The following FUT9 variants were observed in gnomAD, a reference collection of about 807,000 sequenced individuals.
FUT9 encodes the protein 4-galactosyl-N-acetylglucosaminide 3-alpha-L-fucosyltransferase 9.
FUT9 carries 15 observed loss-of-function variants against 29.7 expected under a neutral mutation model. That is an observed-to-expected ratio of 0.51 (90% CI 0.34 to 0.78). FUT9 has a LOEUF of 0.78. Ranked by LOEUF, FUT9 falls within the 30% of genes least tolerant of loss-of-function variation. FUT9 has a pLI of 0.01. For synonymous variants in FUT9, 169 were observed against 153.7 expected, an observed-to-expected ratio of 1.10 and a Z score of -0.74; for missense variants, 319 against 425.4, an observed-to-expected ratio of 0.75 and a Z score of 2.20.
chr6:96,137,589 A>G (rs1258314831), intron 2 of FUT9, among the ~76,000 whole-genome samples: 1 of 152,102 alleles, frequency 6.6e-6, no homozygotes, highest in Non-Finnish European at 1.5e-5. Context: ...AACACTTAAC[A>G]TCAAGAGTGG....
intron 2 of FUT9, among the ~76,000 whole-genome samples, chr6:96,193,625 C>T (rs559453392): frequency 1.3e-5 from 2 of 152,032 alleles, no homozygotes; most frequent in South Asian, 2.1e-4. Flanking sequence ...CTAGTTCAAC[C>T]GTTGTGGAAG....
At chr6:96,073,733 G>C (rs1771100785) in intron 1 of FUT9, among the ~76,000 whole-genome samples, 1 of 152,064 alleles carries the variant, frequency 6.6e-6, no homozygotes, top group African/African-American at 2.4e-5. Context: ...TGCTAATGAG[G>C]GGCCCAAGAT....
chr6:96,215,154 T>C lies in FUT9; in HGVS notation c.*10919T>C, dbSNP rs1473004137. ...TAACACTTTAAGGCAGCTAAGCAAATATTTTAATAAGCCATGAAAGGCAAG... is the reference window on the plus strand; with the variant it reads ...TAACACTTTAAGGCAGCTAAGCAAACATTTTAATAAGCCATGAAAGGCAAG... On this transcript the variant is annotated 3_prime_UTR_variant, in exon 3 of 3. Coordinates refer to ENST00000302103, the MANE Select transcript of FUT9 (RefSeq NM_006581.4). The C allele has an allele frequency of 1.2e-5, 2 of 166,996 alleles. No homozygotes were observed. The highest frequency in any genetic ancestry group is 2.9e-5 in the Non-Finnish European group (2 of 68,084). The allele number at this position is 166,996 out of a possible 1,614,324, so 10.3% of individuals were successfully genotyped here.
intron 1 of FUT9, among the ~76,000 whole-genome samples, chr6:96,024,874 T>G (rs1770136068): frequency 6.6e-6 from 1 of 151,066 alleles, no homozygotes; most frequent in Admixed American, 6.6e-5. Context: ...TCCACAGGAG[T>G]TTTTCTGTCT....
At chr6:96,056,660 G>A (rs937574132) in intron 1 of FUT9, among the ~76,000 whole-genome samples, 1 of 152,002 alleles carries the variant, frequency 6.6e-6, no homozygotes, top group African/African-American at 2.4e-5. Context: ...TGAAGCAGGA[G>A]GATCGCTTGA....
intron 2 of FUT9, among the ~76,000 whole-genome samples, chr6:96,167,539 G>C (rs1773036217): frequency 6.6e-6 from 1 of 152,128 alleles, no homozygotes; most frequent in African/African-American, 2.4e-5. Flanking sequence ...CACTTACTGT[G>C]TGCCAGAAAA....
At chr6:96,132,682 G>T (rs1342404063) in intron 2 of FUT9, among the ~76,000 whole-genome samples, 1 of 151,992 alleles carries the variant, frequency 6.6e-6, no homozygotes, top group Non-Finnish European at 1.5e-5. Flanking sequence ...TGTTTTTGGT[G>T]ATTTAGACAC....
chr6:96,196,130 G>T lies in FUT9; in HGVS notation c.-8-7018G>T, dbSNP rs1012666772. On this transcript the variant is annotated intron_variant, in intron 2 of 2. Coordinates refer to ENST00000302103, the MANE Select transcript of FUT9 (RefSeq NM_006581.4). Reference sequence around the variant, plus strand: ...AGACGGGGAAGCGATTGCCAGTGTGGGAATAGAGAGGTGGTGATCTCTTTC... The same window carrying T: ...AGACGGGGAAGCGATTGCCAGTGTGTGAATAGAGAGGTGGTGATCTCTTTC... 2.0e-5 allele frequency among the ~76,000 whole-genome samples: 3 copies of T among 152,100 alleles called. No homozygotes were observed. In the East Asian group the frequency reaches 5.8e-4, roughly 29 times the overall value.
intron 2 of FUT9, among the ~76,000 whole-genome samples, chr6:96,146,874 A>C (rs772671533): frequency 1.4e-4 from 22 of 152,228 alleles, no homozygotes; most frequent in Non-Finnish European, 3.1e-4. Context: ...CAATTGTACA[A>C]CACCAAATTT....
At chr6:96,053,027 A>G (rs1308225938) in intron 1 of FUT9, among the ~76,000 whole-genome samples, 1 of 152,066 alleles carries the variant, frequency 6.6e-6, no homozygotes, top group Non-Finnish European at 1.5e-5. Flanking sequence ...TCATCACTGA[A>G]AATATACCAA....
Position 96,207,457 on chromosome 6 carries a change from A to C in FUT9, c.*3222A>C, listed in dbSNP as rs901240504. The C allele has an allele frequency of 6.0e-6, 1 of 167,076 alleles. No homozygotes were observed. Among genetic ancestry groups the C allele is most frequent in the Admixed American group, 6.5e-5 (1 of 15,282 alleles). The allele number at this position is 167,076 out of a possible 1,614,324, so 10.3% of individuals were successfully genotyped here. ...ACTTTTGAAGGTATACAATAAATAA[A>C]ACATCAAACTTGTTAGCATTCGTTC... On this transcript the variant is annotated 3_prime_UTR_variant, in exon 3 of 3. Transcript: ENST00000302103.
At chr6:96,039,467 C>T (rs1409530605) in intron 1 of FUT9, among the ~76,000 whole-genome samples, 1 of 152,134 alleles carries the variant, frequency 6.6e-6, no homozygotes, top group Non-Finnish European at 1.5e-5. Context: ...CTTCGTTTTA[C>T]ACTGTGCACC....
Position 96,204,229 on chromosome 6 carries a change from G to T in FUT9, c.1074G>T (p.Trp358Cys). ...KSVGNLEKWF[W>C]N Reference sequence around the variant, plus strand: ...TTGGTAATTTAGAGAAATGGTTTTGGAATTAAAATTTTTCATCACTTGCAC... The same window carrying T: ...TTGGTAATTTAGAGAAATGGTTTTGTAATTAAAATTTTTCATCACTTGCAC... Residue 358 changes from tryptophan to cysteine, a missense_variant, in exon 3 of 3, where the codon TGG (tryptophan) becomes TGT (cysteine). Physicochemically the swap from Trp to Cys is radical, Grantham distance 215 (BLOSUM62 -2). Transcript: ENST00000302103. 7.0e-7 allele frequency: 1 copy of T among 1,436,500 alleles called. No homozygotes were observed. The highest frequency in any genetic ancestry group is 1.9e-5 in the South Asian group (1 of 53,674). 89.0% of individuals were successfully genotyped at this position (1,436,500 alleles called of 1,614,324 possible). A position where few individuals can be genotyped will look rare whatever the true frequency, so the allele number is the denominator to read the frequency against.
chr6:96,031,524 G>A lies in FUT9; in HGVS notation c.-98+15312G>A, dbSNP rs148171811. Among the ~76,000 whole-genome samples, 556 of 151,400 alleles carry A rather than the reference G, an allele frequency of 3.7e-3. 1 individual carries two copies. The highest frequency in any genetic ancestry group is 0.013 in the African/African-American group (521 of 41,406). On this transcript the variant is annotated intron_variant, in intron 1 of 2. Coordinates refer to ENST00000302103, the MANE Select transcript of FUT9 (RefSeq NM_006581.4). ...TAGGGTGACTGCCCCCCAAGATCAC[G>A]GCCCAGTGTAGCAAACTGGTCTAGT...
intron 2 of FUT9, among the ~76,000 whole-genome samples, chr6:96,139,384 T>A (rs1772418497): frequency 6.6e-6 from 1 of 152,210 alleles, no homozygotes; most frequent in African/African-American, 2.4e-5. Context: ...GCTGTTTTCA[T>A]GCTCTGGTGT....
intron 1 of FUT9, among the ~76,000 whole-genome samples, chr6:96,031,407 A>C (rs909223193): frequency 2.0e-5 from 3 of 151,432 alleles, no homozygotes; most frequent in African/African-American, 4.8e-5. Flanking sequence ...AAAAAACTAT[A>C]ATTTAGAGAG....
rs577832058 is a variant in FUT9, at chr6:96,202,391, A to G, written c.-8-757A>G. Reference sequence around the variant, plus strand: ...AAAGCCCTTAGGCTATGTAAGTGAGAACGTTTTTCCAATGCAAATAGAACA... The same window carrying G: ...AAAGCCCTTAGGCTATGTAAGTGAGGACGTTTTTCCAATGCAAATAGAACA... On this transcript the variant is annotated intron_variant, in intron 2 of 2. Transcript: ENST00000302103. Among the ~76,000 whole-genome samples the G allele has an allele frequency of 2.6e-5, 4 of 152,190 alleles. No individual in the cohort carries two copies. The South Asian group carries it at 8.3e-4, about 32-fold the overall frequency.
chr6:96,207,299 T>G lies in FUT9; in HGVS notation c.*3064T>G, dbSNP rs546675295. 12 of 167,112 alleles carry G rather than the reference T, an allele frequency of 7.2e-5. No homozygotes were observed. In the South Asian group the frequency reaches 2.5e-3, roughly 35 times the overall value. The allele number at this position is 167,112 out of a possible 1,614,324, so 10.4% of individuals were successfully genotyped here. A position where few individuals can be genotyped will look rare whatever the true frequency, so the allele number is the denominator to read the frequency against. On this transcript the variant is annotated 3_prime_UTR_variant, in exon 3 of 3. Transcript: ENST00000302103. Reference sequence around the variant, plus strand: ...AGATTTGGATTTAAGGATCCTATCTTTCTTTATCCCACTTTCTTTTCAATC... The same window carrying G: ...AGATTTGGATTTAAGGATCCTATCTGTCTTTATCCCACTTTCTTTTCAATC...
chr6:96,125,182 C>T (rs1772111847), intron 2 of FUT9, among the ~76,000 whole-genome samples: 1 of 152,182 alleles, frequency 6.6e-6, no homozygotes, highest in Non-Finnish European at 1.5e-5. Flanking sequence ...ATAGCATACT[C>T]TTTCTACCCA....
Sources: allele counts gnomAD v4.1 joint callset (sites outside exome capture counted in the v4.1 genomes callset), GRCh38; gene constraint gnomAD v4.1.1; transcripts MANE v1.5; gene names NCBI Gene and HGNC (gene_info 2026-07-23, HGNC 2026-07-21).